The following MAD1L1 variants were observed in gnomAD, a reference collection of about 807,000 sequenced individuals.
MAD1L1 encodes mitotic spindle assembly checkpoint protein MAD1.
MAD1L1 carries 95 observed loss-of-function variants against 96.9 expected under a neutral mutation model. The observed-to-expected ratio is 0.98, with a 90% confidence interval of 0.83 to 1.16. MAD1L1 has a LOEUF of 1.16. MAD1L1 is among the 50% of genes most tolerant of loss of function. The probability of loss-of-function intolerance (pLI) is 0.00; values close to 1 mark genes in which losing one functional copy is unlikely to be tolerated. For synonymous variants in MAD1L1, 473 were observed against 396.6 expected (o/e 1.19, Z -2.29); for missense variants, 1,007 against 954.4 (o/e 1.06, Z -0.73).
intron 18 of MAD1L1, among the ~76,000 whole-genome samples, chr7:1,885,823 C>T (rs1406227755): frequency 2.0e-5 from 3 of 152,204 alleles, no homozygotes; most frequent in African/African-American, 7.2e-5. Flanking sequence ...CAGCCTGGCC[C>T]CTAGGCCGGG....
rs1256453398 is a variant in MAD1L1, at chr7:2,142,671, C to G, written c.1073+6481G>C. On this transcript the variant is annotated intron_variant, in intron 11 of 18. Coordinates refer to ENST00000265854, the MANE Select transcript of MAD1L1 (RefSeq NM_001013836.2). This position sits in a 1 kb window ranked among gnomAD's most constrained non-coding sequence, Gnocchi z 4.7. The stretch of plus-strand genomic sequence containing the variant: ...ACAGCCCATTAGACTCAGGCTGATT[C>G]CACACCTTCTGCCAAAGACCATTTA... Among the ~76,000 whole-genome samples, 1 of 152,262 alleles carries G rather than the reference C, an allele frequency of 6.6e-6. No homozygotes were observed. Among genetic ancestry groups the G allele is most frequent in the African/African-American group, 2.4e-5 (1 of 41,464 alleles).
intron 12 of MAD1L1, among the ~76,000 whole-genome samples, chr7:2,049,747 C>T (rs1490682140): frequency 1.3e-5 from 2 of 152,190 alleles, no homozygotes; most frequent in South Asian, 2.1e-4. Flanking sequence ...CACTGTAATT[C>T]CCAGGGCACC....
At chr7:2,126,784 A>C (rs1788254272) in intron 11 of MAD1L1, among the ~76,000 whole-genome samples, 1 of 152,200 alleles carries the variant, frequency 6.6e-6, no homozygotes, top group South Asian at 2.1e-4. Flanking sequence ...CCCTGCAGTG[A>C]GCCACGAGCC....
chr7:1,864,680 C>T (rs1037535127), intron 18 of MAD1L1, among the ~76,000 whole-genome samples: 2 of 152,216 alleles, frequency 1.3e-5, no homozygotes, highest in Non-Finnish European at 2.9e-5. Flanking sequence ...ATCCTCGATA[C>T]TGGAGTGGGG....
intron 17 of MAD1L1, among the ~76,000 whole-genome samples, chr7:1,931,514 A>G (rs983230520): frequency 1.3e-5 from 2 of 151,944 alleles, no homozygotes; most frequent in Non-Finnish European, 2.9e-5. Context: ...CACCATGTTC[A>G]CCTCTCAGCC....
chr7:2,072,610 C>T (rs372794938), intron 11 of MAD1L1, among the ~76,000 whole-genome samples: 1 of 152,236 alleles, frequency 6.6e-6, no homozygotes, highest in Non-Finnish European at 1.5e-5. Flanking sequence ...GGAACGTTCA[C>T]AAGTGCTTTA....
chr7:2,102,824 G>A (rs1374412237), intron 11 of MAD1L1, among the ~76,000 whole-genome samples: 1 of 152,102 alleles, frequency 6.6e-6, no homozygotes, highest in Non-Finnish European at 1.5e-5. Context: ...GCACTCTCAG[G>A]ACCACTCTCC....
chr7:1,996,670 C>T (rs1404044245), intron 14 of MAD1L1, among the ~76,000 whole-genome samples: 2 of 152,222 alleles, frequency 1.3e-5, no homozygotes, highest in Admixed American at 6.5e-5. Flanking sequence ...GCTGTAGCCA[C>T]GGCCCTTGGT....
chr7:1,847,489 G>A (rs757342559), intron 18 of MAD1L1: 35 of 471,094 alleles, frequency 7.4e-5, no homozygotes, highest in Middle Eastern at 3.2e-4. Context: ...CCCACTGGGC[G>A]GCCACTGCAG....
At chr7:1,954,714 T>G (rs1253398889) in intron 16 of MAD1L1, among the ~76,000 whole-genome samples, 3 of 152,208 alleles carry the variant, frequency 2.0e-5, no homozygotes, top group African/African-American at 7.2e-5. Flanking sequence ...ATGGAGAGTC[T>G]GAGCTCCTTC....
chr7:2,052,210 AGCCACAGCTCC>A (rs1784211619), intron 12 of MAD1L1, among the ~76,000 whole-genome samples: 1 of 152,152 alleles, frequency 6.6e-6, no homozygotes, highest in South Asian at 2.1e-4. Context: ...CCACGCGCAC[AGCCACAGCTCC>A]GCCACAGCCA....
At chr7:2,112,972 C>T (rs760863180) in intron 11 of MAD1L1, among the ~76,000 whole-genome samples, 3 of 152,218 alleles carry the variant, frequency 2.0e-5, no homozygotes, top group Non-Finnish European at 4.4e-5. Flanking sequence ...TGAACCGAAT[C>T]CGCAGAGCAC....
chr7:2,100,287 C>T (rs1326255871), intron 11 of MAD1L1, among the ~76,000 whole-genome samples: 2 of 152,214 alleles, frequency 1.3e-5, no homozygotes, highest in South Asian at 2.1e-4. Flanking sequence ...ACTAGATCTC[C>T]GCGTTCTCCT....
At chr7:1,913,921 T>G (rs1198589840) in intron 17 of MAD1L1, among the ~76,000 whole-genome samples, 1 of 151,926 alleles carries the variant, frequency 6.6e-6, no homozygotes, top group African/African-American at 2.4e-5. Flanking sequence ...CTGCTTGGAG[T>G]CCTGGGTGGC....
chr7:2,144,587 G>A (rs1188705029), intron 11 of MAD1L1, among the ~76,000 whole-genome samples: 1 of 152,176 alleles, frequency 6.6e-6, no homozygotes, highest in Admixed American at 6.5e-5. Context: ...ACAGAGGACT[G>A]CAGCCTCCTG....
At chr7:2,222,515 A>C in intron 5 of MAD1L1, 60 bp downstream of exon 5, 1 of 1,449,814 alleles carries the variant, frequency 6.9e-7, no homozygotes, top group East Asian at 2.5e-5. Flanking sequence ...GTGGCAAACA[A>C]GAGCATGCAC....
intron 18 of MAD1L1, among the ~76,000 whole-genome samples, chr7:1,823,223 T>G (rs190409276): frequency 1.8e-4 from 28 of 151,932 alleles, no homozygotes; most frequent in Non-Finnish European, 3.4e-4. Context: ...TAAAAAAAAA[T>G]TTTTTTGACC....
At chr7:1,901,613 G>T (rs1359212251) in intron 17 of MAD1L1, among the ~76,000 whole-genome samples, 1 of 152,236 alleles carries the variant, frequency 6.6e-6, no homozygotes, top group African/African-American at 2.4e-5. Context: ...TGTGCTCAAG[G>T]CCTGCTGGGC....
At chr7:1,912,883 G>A (rs548391236) in intron 17 of MAD1L1, among the ~76,000 whole-genome samples, 13 of 152,240 alleles carry the variant, frequency 8.5e-5, no homozygotes, top group Admixed American at 1.3e-4. Flanking sequence ...GGGTGGCGGC[G>A]GCGAGGTCCT....
Sources: gnomAD v4.1 joint callset for allele counts (sites outside exome capture counted in the v4.1 genomes callset) on GRCh38, gnomAD v4.1.1 for gene constraint, Gnocchi (gnomAD v3.1) non-coding constraint, MANE v1.5 for transcripts, NCBI Gene and HGNC (gene_info 2026-07-23, HGNC 2026-07-21) for gene names.